MALAT1: variants seen among roughly 807,000 people sequenced by gnomAD.
MALAT1 encodes metastasis associated lung adenocarcinoma transcript 1.
At chr11:65,498,402 T>G (rs1854449660) in intron 1 of MALAT1, 1 of 518,396 alleles carries the variant, frequency 1.9e-6, no homozygotes, top group Admixed American at 1.9e-5. Flanking sequence ...CCCCCGGGGC[T>G]CAGGCGGGGA....
At chr11:65,498,481 C>T (rs550316009) in intron 1 of MALAT1, 3 of 516,812 alleles carry the variant, frequency 5.8e-6, no homozygotes, top group Non-Finnish European at 1.2e-5. Flanking sequence ...ATTTCCCAAG[C>T]AGACAGCCCG....
At chr11:65,505,134 C>CGT (rs776840185) in intron 3 of MALAT1, 3 of 518,798 alleles carry the variant, frequency 5.8e-6, no homozygotes, top group Non-Finnish European at 1.2e-5. Context: ...ACTGTGTTGG[C>CGT]GTGGGGGTGG....
chr11:65,505,167 C>G, intron 3 of MALAT1: 1 of 518,690 alleles, frequency 1.9e-6, no homozygotes, highest in Admixed American at 1.9e-5. Context: ...GGCGCTAAGC[C>G]TTTTTTTAAG....
At position 65,502,890 on chromosome 11, in the gene MALAT1, C is replaced by CT. The variant is rs777713346; in HGVS notation, n.4155dup. 81 of 490,628 alleles carry CT rather than the reference C, an allele frequency of 1.7e-4. No individual in the cohort carries two copies. The East Asian group carries it at 3.8e-3, about 23-fold the overall frequency. 30.4% of individuals were successfully genotyped at this position (490,628 alleles called of 1,614,324 possible). A position where few individuals can be genotyped will look rare whatever the true frequency, so the allele number is the denominator to read the frequency against. ...GAATCTACCATTTTAAAGTTAATTGCTTGTCAAGCTATAACCACAAAAATA... is the reference window on the plus strand; with the variant it reads ...GAATCTACCATTTTAAAGTTAATTGCTTTGTCAAGCTATAACCACAAAAATA... On this transcript the variant is annotated non_coding_transcript_exon_variant, in exon 3 of 4. Transcript: ENST00000619449.
At chr11:65,501,577 C>T (rs1396123689) in exon 3 of MALAT1, 3 of 518,038 alleles carry the variant, frequency 5.8e-6, no homozygotes, top group Non-Finnish European at 1.2e-5. Flanking sequence ...ATGTTTTTTT[C>T]TAAGATTTTC....
intron 3 of MALAT1, chr11:65,505,400 T>C (rs1207210084): frequency 1.9e-6 from 1 of 515,430 alleles, no homozygotes; most frequent in Non-Finnish European, 3.9e-6. Flanking sequence ...CTCTTAACAT[T>C]TAAGCAAGCT....
rs766343690 is a variant in MALAT1 at position 65,499,402 on chromosome 11, A to G, written n.665A>G. The G allele has an allele frequency of 1.6e-5, 8 of 485,214 alleles. No homozygotes were observed. In the East Asian group the frequency reaches 2.3e-4, roughly 14 times the overall value. The allele number at this position is 485,214 out of a possible 1,614,324, so 30.1% of individuals were successfully genotyped here. On this transcript the variant is annotated non_coding_transcript_exon_variant, in exon 3 of 4. Transcript: ENST00000619449. ...CCGAATTAATACCAATAGAAGGGCA[A>G]TGCTTTTAGATTAAAATGAAGGTGA...
At chr11:65,499,193 G>C (rs1404485490) in exon 3 of MALAT1, 3 of 504,742 alleles carry the variant, frequency 5.9e-6, no homozygotes, top group Non-Finnish European at 1.2e-5. Flanking sequence ...ATATTGCTTA[G>C]CGTTAAGTTT....
intron 1 of MALAT1, chr11:65,498,256 C>T (rs1259744650): frequency 1.9e-6 from 1 of 518,764 alleles, no homozygotes; most frequent in Admixed American, 1.9e-5. Flanking sequence ...ACTCGCTTTC[C>T]ATGGCGATTT....
exon 1 of MALAT1, chr11:65,497,812 C>T (rs542545614): frequency 2.0e-6 from 1 of 509,648 alleles, no homozygotes; most frequent in African/African-American, 1.9e-5. Flanking sequence ...TTAAGCGCAG[C>T]GCCATTTTAG....
exon 3 of MALAT1, chr11:65,500,868 A>G (rs1394440802): frequency 1.9e-6 from 1 of 518,430 alleles, no homozygotes; most frequent in Non-Finnish European, 3.8e-6. Context: ...CTGAGGTGTA[A>G]AGGGATTTAT....
chr11:65,504,642 C>G, intron 3 of MALAT1: 1 of 518,830 alleles, frequency 1.9e-6, no homozygotes, highest in South Asian at 1.4e-5. Flanking sequence ...GGACTGAAGC[C>G]TTTAGTCTTT....
Position 65,500,527 on chromosome 11 carries a change from A to G in MALAT1, n.1790A>G, listed in dbSNP as rs539782346. ...CAGCAGTTCGTGGTGAAGATAGGAA[A>G]AGAGTCCAGGAGCCAGTGCGATTTG... On this transcript the variant is annotated non_coding_transcript_exon_variant, in exon 3 of 4. Coordinates refer to ENST00000619449, the Ensembl canonical transcript of MALAT1. 40 of 518,204 alleles carry G rather than the reference A, an allele frequency of 7.7e-5. 1 individual carries two copies. Among genetic ancestry groups the G allele is most frequent in the South Asian group, 5.4e-4 (39 of 71,588 alleles). 32.1% of individuals were successfully genotyped at this position (518,204 alleles called of 1,614,324 possible). A position where few individuals can be genotyped will look rare whatever the true frequency, so the allele number is the denominator to read the frequency against.
At chr11:65,499,437 C>G (rs1187710118) in exon 3 of MALAT1, 1 of 474,270 alleles carries the variant, frequency 2.1e-6, no homozygotes, top group African/African-American at 2.0e-5. Flanking sequence ...ACTTAAACAG[C>G]TTAAAGTTTA....
exon 3 of MALAT1, chr11:65,499,404 G>C (rs377408557): frequency 2.1e-6 from 1 of 485,424 alleles, no homozygotes; most frequent in Non-Finnish European, 4.1e-6. Flanking sequence ...GAAGGGCAAT[G>C]CTTTTAGATT....
chr11:65,501,193 T>C (rs1232987643), exon 3 of MALAT1: 1 of 500,870 alleles, frequency 2.0e-6, no homozygotes, highest in East Asian at 5.7e-5. Context: ...AGAGTTTGGA[T>C]GTGTAACTGA....
At chr11:65,505,360 C>G (rs778728446) in intron 3 of MALAT1, 13 of 517,836 alleles carry the variant, frequency 2.5e-5, no homozygotes, top group Non-Finnish European at 4.2e-5. Context: ...GTGAAGCATC[C>G]GAAGGAATGC....
chr11:65,500,490 C>T (rs1649178066), exon 3 of MALAT1: 1 of 518,738 alleles, frequency 1.9e-6, no homozygotes, highest in African/African-American at 1.9e-5. Context: ...GACTGAGGAG[C>T]AAGCGAGCAA....
At chr11:65,505,460 G>A (rs776324265) in intron 3 of MALAT1, 25 of 512,824 alleles carry the variant, frequency 4.9e-5, no homozygotes, top group Non-Finnish European at 9.4e-5. Flanking sequence ...AGCGGTGCTT[G>A]AAGGGGAGGG....
Sources: gnomAD v4.1 joint callset for allele counts on GRCh38, gnomAD v4.1.1 for gene constraint, MANE v1.5 for transcripts, NCBI Gene and HGNC (gene_info 2026-07-23, HGNC 2026-07-21) for gene names.